NTRK2: variants seen among roughly 807,000 people sequenced by gnomAD.
NTRK2 encodes the protein BDNF/NT-3 growth factors receptor.
Under a neutral mutation model 94.5 loss-of-function variants are expected in NTRK2, and 13 were observed. The ratio of observed to expected loss-of-function variants is 0.14; its 90% confidence interval spans 0.09 to 0.22. NTRK2 has a LOEUF of 0.22. Ranked by LOEUF, NTRK2 falls within the 10% of genes least tolerant of loss-of-function variation. NTRK2 has a pLI of 1.00. For missense variants in NTRK2, 639 were observed against 1,071.2 expected (o/e 0.60, Z 5.63); for synonymous variants, 372 against 407.4 (o/e 0.91, Z 1.05).
At chr9:84,767,029 T>C (rs1263834411) in intron 12 of NTRK2, among the ~76,000 whole-genome samples, 1 of 152,214 alleles carries the variant, frequency 6.6e-6, no homozygotes, top group Admixed American at 6.5e-5. Flanking sequence ...CACATGGCCA[T>C]GGCCACTTGA....
intron 14 of NTRK2, among the ~76,000 whole-genome samples, chr9:84,914,013 T>A (rs2077321879): frequency 1.3e-5 from 2 of 152,112 alleles, no homozygotes; most frequent in South Asian, 4.1e-4. Flanking sequence ...AAAAATTGAG[T>A]AATTTTTGTT....
chr9:84,887,224 G>A lies in NTRK2; in HGVS notation c.1633+19793G>A, dbSNP rs77958584. Among the ~76,000 whole-genome samples the A allele has an allele frequency of 4.6e-3, 704 of 152,244 alleles. 13 individuals carry two copies. Among genetic ancestry groups the A allele is most frequent in the Admixed American group, 0.037 (571 of 15,296 alleles). On this transcript the variant is annotated intron_variant, in intron 14 of 18. Transcript: ENST00000277120. Reference sequence around the variant, plus strand: ...ATTTCAGGAAATGTAAGGGGTTCTCGCAAAGGCCCAAACTGGTGTTTTATA... The same window carrying A: ...ATTTCAGGAAATGTAAGGGGTTCTCACAAAGGCCCAAACTGGTGTTTTATA...
At chr9:85,007,482 TA>T (rs1016049961) in intron 17 of NTRK2, among the ~76,000 whole-genome samples, 1 of 152,170 alleles carries the variant, frequency 6.6e-6, no homozygotes, top group Non-Finnish European at 1.5e-5. Context: ...GCTATTGTAT[TA>T]ACTGTGAATT....
chr9:84,962,761 G>T (rs1029900390), intron 17 of NTRK2, among the ~76,000 whole-genome samples: 1 of 152,172 alleles, frequency 6.6e-6, no homozygotes, highest in Non-Finnish European at 1.5e-5. Context: ...TCAGACCAGA[G>T]CCTCTTCTAA....
At chr9:84,871,962 C>A in intron 14 of NTRK2, 1 of 1,582,872 alleles carries the variant, frequency 6.3e-7, no homozygotes, top group South Asian at 1.1e-5. Flanking sequence ...CTTCCATAAC[C>A]TAGCCAAGCA....
intron 2 of NTRK2, among the ~76,000 whole-genome samples, chr9:84,686,433 A>G (rs1188551662): frequency 1.3e-5 from 2 of 152,192 alleles, no homozygotes; most frequent in Non-Finnish European, 2.9e-5. Flanking sequence ...GTCTAATGAG[A>G]AAGATTTGTG....
chr9:84,742,781 T>C lies in NTRK2; in HGVS notation c.1195+854T>C, dbSNP rs145291247. 9.7e-3 allele frequency among the ~76,000 whole-genome samples: 1,358 copies of C among 139,394 alleles called. 31 individuals are homozygous for C. Among genetic ancestry groups the C allele is most frequent in the African/African-American group, 0.034 (1,269 of 37,814 alleles). 91.4% of individuals were successfully genotyped at this position (139,394 alleles called of 152,430 possible). The stretch of plus-strand genomic sequence containing the variant: ...GTGGAAAGAAAGAAACCAAAGTCCA[T>C]TATATTAGTTTTTTTTTTTTTTTTT... On this transcript the variant is annotated intron_variant, in intron 10 of 18. Coordinates refer to ENST00000277120, the MANE Select transcript of NTRK2 (RefSeq NM_006180.6).
intron 17 of NTRK2, among the ~76,000 whole-genome samples, chr9:85,002,353 C>T (rs947701049): frequency 2.6e-5 from 4 of 152,100 alleles, no homozygotes; most frequent in African/African-American, 9.7e-5. Context: ...CATGAAGGCT[C>T]GAGGTTTGCA....
At chr9:84,806,511 G>A (rs2071131171) in intron 12 of NTRK2, among the ~76,000 whole-genome samples, 1 of 152,148 alleles carries the variant, frequency 6.6e-6, no homozygotes, top group Non-Finnish European at 1.5e-5. Flanking sequence ...TTTATATATG[G>A]GGAGATTTCT....
intron 11 of NTRK2, 66 bp from the exon 12 acceptor site, chr9:84,751,920 T>C (rs2064656640): frequency 7.5e-6 from 9 of 1,193,976 alleles, no homozygotes; most frequent in Non-Finnish European, 1.1e-5. Context: ...GTCATGATCA[T>C]CATCACCATA....
intron 14 of NTRK2, among the ~76,000 whole-genome samples, chr9:84,885,903 C>A (rs1211369947): frequency 6.6e-6 from 1 of 151,890 alleles, no homozygotes; most frequent in African/African-American, 2.4e-5. Flanking sequence ...GTGGTGGCGG[C>A]GCCTGTAATC....
Position 84,924,229 on chromosome 9 carries a change from T to TAGAAAGAAAAGAAAGAA in NTRK2, c.1634-9924_1634-9923insAGAAAGAAAGAAAGAAA, listed in dbSNP as rs1554769295. Among the ~76,000 whole-genome samples, 24 of 115,684 alleles carry TAGAAAGAAAAGAAAGAA rather than the reference T, an allele frequency of 2.1e-4. No homozygotes were observed. The East Asian group carries it at 3.1e-3, about 15-fold the overall frequency. The allele number at this position is 115,684 out of a possible 152,430, so 75.9% of individuals were successfully genotyped here. A position where few individuals can be genotyped will look rare whatever the true frequency, so the allele number is the denominator to read the frequency against. On this transcript the variant is annotated intron_variant, in intron 14 of 18. Coordinates refer to ENST00000277120, the MANE Select transcript of NTRK2 (RefSeq NM_006180.6). ...GAGACCCTGTCTCAAAGAAAGAAAG[T>TAGAAAGAAAAGAAAGAA]AGAAAGAAAGAAAGAAAGAAAGAAA...
At chr9:84,761,703 G>A (rs959200370) in intron 12 of NTRK2, among the ~76,000 whole-genome samples, 1 of 152,134 alleles carries the variant, frequency 6.6e-6, no homozygotes, top group Non-Finnish European at 1.5e-5. Flanking sequence ...ACTGCATCTG[G>A]AGCCAACACT....
At chr9:84,926,149 CCT>C (rs2077774444) in intron 14 of NTRK2, among the ~76,000 whole-genome samples, 1 of 88,974 alleles carries the variant, frequency 1.1e-5, no homozygotes, top group South Asian at 4.9e-4. Context: ...TTCCTTCCTT[CCT>C]TCCTTCCTTC....
At chr9:84,701,307 T>C (rs1002817181) in intron 2 of NTRK2, among the ~76,000 whole-genome samples, 1 of 152,242 alleles carries the variant, frequency 6.6e-6, no homozygotes, top group Admixed American at 6.5e-5. Flanking sequence ...GTCTATTTCC[T>C]TGTAGCAGAA....
chr9:85,009,092 T>C (rs576731033), intron 17 of NTRK2, among the ~76,000 whole-genome samples: 2 of 152,350 alleles, frequency 1.3e-5, no homozygotes, highest in East Asian at 3.9e-4. Context: ...TCAAAGCTCA[T>C]TCACTTCTGC....
chr9:84,824,104 C>A (rs530955222), intron 12 of NTRK2, among the ~76,000 whole-genome samples: 1 of 152,282 alleles, frequency 6.6e-6, no homozygotes. Context: ...GTTGTCCCAC[C>A]CTGAGCTTAG....
intron 12 of NTRK2, among the ~76,000 whole-genome samples, chr9:84,800,182 G>A (rs944027177): frequency 4.0e-5 from 6 of 148,244 alleles, no homozygotes; most frequent in African/African-American, 1.5e-4. Context: ...ACTGGAAGCC[G>A]AAGCTCTATC....
intron 12 of NTRK2, among the ~76,000 whole-genome samples, chr9:84,780,771 G>A (rs1159021224): frequency 6.6e-6 from 1 of 152,192 alleles, no homozygotes; most frequent in East Asian, 1.9e-4. Context: ...ACTTGATTAG[G>A]TCTCAGTTAA....
Sources: gnomAD v4.1 joint callset for allele counts (sites outside exome capture counted in the v4.1 genomes callset) on GRCh38, gnomAD v4.1.1 for gene constraint, MANE v1.5 for transcripts, NCBI Gene and HGNC (gene_info 2026-07-23, HGNC 2026-07-21) for gene names.